Variants in STMND1 observed in about 807,000 individuals in gnomAD.
STMND1 encodes stathmin domain-containing protein 1.
Under a neutral mutation model 23.0 loss-of-function variants are expected in STMND1, and 17 were observed. That is an observed-to-expected ratio of 0.74 (90% confidence interval 0.51 to 1.11). STMND1 has a LOEUF of 1.11. Ranked by LOEUF, STMND1 falls within the 50% of genes least tolerant of loss-of-function variation. The pLI is 0.00. For missense variants in STMND1, 305 were observed against 329.1 expected, an observed-to-expected ratio of 0.93 and a Z score of 0.57; for synonymous variants, 114 against 119.9, an observed-to-expected ratio of 0.95 and a Z score of 0.32.
Position 17,129,753 on chromosome 6 carries a change from A to C in STMND1, c.543+510A>C, listed in dbSNP as rs190116766. 2.5e-3 allele frequency among the ~76,000 whole-genome samples: 373 copies of C among 152,082 alleles called. 1 individual carries two copies. Among genetic ancestry groups the C allele is most frequent in the African/African-American group, 8.8e-3 (364 of 41,526 alleles). On this transcript the variant is annotated intron_variant, in intron 4 of 4. Coordinates refer to ENST00000536551, the MANE Select transcript of STMND1 (RefSeq NM_001190766.2). ...CAGCTACTCGGGAGGCTGAGGCAGG[A>C]GAATGGCGTGAACCCGGGAGGCAGA...
intron 2 of STMND1, 114 bp downstream of exon 2, chr6:17,115,253 A>T (rs1761143703): frequency 2.1e-6 from 2 of 972,350 alleles, no homozygotes; most frequent in Non-Finnish European, 2.9e-6. Flanking sequence ...GCCATGAAGT[A>T]CATTAAATGG....
chr6:17,120,827 C>A, intron 3 of STMND1, 69 bp downstream of exon 3: 2 of 1,252,786 alleles, frequency 1.6e-6, no homozygotes, highest in South Asian at 1.6e-5. Flanking sequence ...GATCATGAGT[C>A]ATTATTTCCA....
At position 17,115,028 on chromosome 6, in the gene STMND1, A is replaced by G. The variant is rs1286586986; in HGVS notation, c.148A>G (p.Asn50Asp). 1.3e-6 allele frequency: 2 copies of G among 1,535,640 alleles called. No homozygotes were observed. The highest frequency in any genetic ancestry group is 2.7e-5 in the African/African-American group (2 of 73,016). Residue 50 changes from asparagine (N) to aspartate (D), a missense_variant, in exon 2 of 5, where the codon AAT becomes GAT. Physicochemically the swap from Asn to Asp is conservative, Grantham distance 23. Coordinates refer to ENST00000536551, the MANE Select transcript of STMND1 (RefSeq NM_001190766.2). The stretch of plus-strand genomic sequence containing the variant: ...CCGGATGGAAGCTGCTCTGACCAAG[A>G]ATACTGTGGACATTGCAGAAGGCCT... ...SPRMEAALTK[N>D]TVDIAEGLEQ... is the part of the protein sequence containing the mutation.
chr6:17,114,562 G>A (rs1398058225), intron 1 of STMND1, among the ~76,000 whole-genome samples: 6 of 152,164 alleles, frequency 3.9e-5, no homozygotes, highest in African/African-American at 9.7e-5. Flanking sequence ...CACTGCGCCC[G>A]GCCACATTAG....
rs1029156090 is a variant in STMND1 at position 17,114,884 on chromosome 6, T to G, written c.82-78T>G. 5 of 1,393,104 alleles carry G rather than the reference T, an allele frequency of 3.6e-6. No homozygotes were observed. In the African/African-American group the frequency reaches 7.3e-5, roughly 20 times the overall value. The allele number at this position is 1,393,104 out of a possible 1,614,324, so 86.3% of individuals were successfully genotyped here. A position where few individuals can be genotyped will look rare whatever the true frequency, so the allele number is the denominator to read the frequency against. On this transcript the variant is annotated intron_variant, in intron 1 of 4. Transcript: ENST00000536551. ...ACCACAGATACTAGCTGGCTAAATA[T>G]TCACAAAGCAGACCCTGCAACATTG...
chr6:17,128,887 T>C, intron 3 of STMND1: 1 of 355,136 alleles, frequency 2.8e-6, no homozygotes, highest in South Asian at 2.9e-5. Context: ...TAATTTTTTG[T>C]ATTTTTGTAG....
At chr6:17,125,595 T>C (rs977315093) in intron 3 of STMND1, among the ~76,000 whole-genome samples, 2 of 152,196 alleles carry the variant, frequency 1.3e-5, no homozygotes, top group Non-Finnish European at 2.9e-5. Flanking sequence ...CCATTATTTG[T>C]TGAACCTCCT....
chr6:17,131,000 A>G lies in STMND1; in HGVS notation c.*119A>G. On this transcript the variant is annotated 3_prime_UTR_variant, in exon 5 of 5. Transcript: ENST00000536551. ...CCACTGGGATTTCTGCCTTGGGCTTAAGGATGATTGTGTGGGCTGCACAGG... is the reference window on the plus strand; with the variant it reads ...CCACTGGGATTTCTGCCTTGGGCTTGAGGATGATTGTGTGGGCTGCACAGG... The G allele has an allele frequency of 1.0e-6, 1 of 997,602 alleles. No homozygotes were observed. Among genetic ancestry groups the G allele is most frequent in the South Asian group, 1.8e-5 (1 of 55,670 alleles). 61.8% of individuals were successfully genotyped at this position (997,602 alleles called of 1,614,324 possible). A position where few individuals can be genotyped will look rare whatever the true frequency, so the allele number is the denominator to read the frequency against.
rs1189845838 is a variant in STMND1, at chr6:17,126,070, A to ATTT, written c.412-3016_412-3014dup. 1.9e-3 allele frequency among the ~76,000 whole-genome samples: 38 copies of ATTT among 20,532 alleles called. 2 individuals carry two copies. The highest frequency in any genetic ancestry group is 5.3e-3 in the East Asian group (2 of 374). The allele number at this position is 20,532 out of a possible 152,430, so 13.5% of individuals were successfully genotyped here. A position where few individuals can be genotyped will look rare whatever the true frequency, so the allele number is the denominator to read the frequency against. The stretch of plus-strand genomic sequence containing the variant: ...TATATATATATATATATATATATAT[A>ATTT]TTTTTTTTTTTTTTTTTTTTTTTTT... On this transcript the variant is annotated intron_variant, in intron 3 of 4. Coordinates refer to ENST00000536551, the MANE Select transcript of STMND1 (RefSeq NM_001190766.2).
chr6:17,109,868 G>A (rs1223943128), intron 1 of STMND1, among the ~76,000 whole-genome samples: 1 of 152,150 alleles, frequency 6.6e-6, no homozygotes, highest in African/African-American at 2.4e-5. Flanking sequence ...AAACCCTCCT[G>A]ATGATTTTCA....
intron 3 of STMND1, among the ~76,000 whole-genome samples, chr6:17,122,159 C>T (rs1298350809): frequency 1.3e-5 from 2 of 152,048 alleles, no homozygotes; most frequent in Non-Finnish European, 2.9e-5. Flanking sequence ...CTGCATCTGA[C>T]CGAGTTCTAA....
intron 3 of STMND1, among the ~76,000 whole-genome samples, chr6:17,121,979 C>T (rs889256571): frequency 5.9e-5 from 9 of 151,968 alleles, no homozygotes; most frequent in African/African-American, 1.9e-4. Context: ...TCTCCTGCCT[C>T]AGCCTCCTAG....
rs1761290979 is a variant in STMND1 at position 17,126,037 on chromosome 6, TATATATATATA to T, written c.412-3074_412-3064del. Reference sequence around the variant, plus strand: ...TAAGCATAAGGTGATCATTGTTTTATATATATATATATATATATATATATATATATATATTT... The same window carrying T: ...TAAGCATAAGGTGATCATTGTTTTATTATATATATATATATATATATATTT... On this transcript the variant is annotated intron_variant, in intron 3 of 4. Coordinates refer to ENST00000536551, the MANE Select transcript of STMND1 (RefSeq NM_001190766.2). 2.7e-4 allele frequency among the ~76,000 whole-genome samples: 7 copies of T among 25,914 alleles called. No individual in the cohort carries two copies. The South Asian group carries it at 0.015, about 56-fold the overall frequency. The allele number at this position is 25,914 out of a possible 152,430, so 17.0% of individuals were successfully genotyped here. A position where few individuals can be genotyped will look rare whatever the true frequency, so the allele number is the denominator to read the frequency against.
At chr6:17,129,680 T>C (rs540905506) in intron 4 of STMND1, among the ~76,000 whole-genome samples, 2 of 152,006 alleles carry the variant, frequency 1.3e-5, no homozygotes, top group Admixed American at 6.5e-5. Context: ...CCGTCTCTAC[T>C]AAAAATACAA....
At position 17,105,579 on chromosome 6, in the gene STMND1, A is replaced by G. The variant is rs193009019; in HGVS notation, c.81+3241A>G. Among the ~76,000 whole-genome samples the G allele has an allele frequency of 5.7e-3, 874 of 152,010 alleles. 11 individuals are homozygous for G. The highest frequency in any genetic ancestry group is 0.02 in the African/African-American group (833 of 41,434). Reference sequence around the variant, plus strand: ...AGAATAGCTTGAACCTGGGAGGCGGAGATTGCGGGGTGAGCTGAGATCATG... The same window carrying G: ...AGAATAGCTTGAACCTGGGAGGCGGGGATTGCGGGGTGAGCTGAGATCATG... On this transcript the variant is annotated intron_variant, in intron 1 of 4. Transcript: ENST00000536551.
At chr6:17,115,892 T>G (rs1026883917) in intron 2 of STMND1, among the ~76,000 whole-genome samples, 1 of 152,238 alleles carries the variant, frequency 6.6e-6, no homozygotes, top group Non-Finnish European at 1.5e-5. Flanking sequence ...TCTTGAACTT[T>G]CCTGGCACAC....
intron 3 of STMND1, among the ~76,000 whole-genome samples, chr6:17,126,051 TATATATATATATA>T (rs1761292227): frequency 3.1e-5 from 1 of 32,594 alleles, no homozygotes; most frequent in African/African-American, 1.5e-4. Context: ...TATATATATA[TATATATATATATA>T]TATATATTTT....
intron 1 of STMND1, among the ~76,000 whole-genome samples, chr6:17,109,049 T>C (rs777783630): frequency 2.0e-5 from 3 of 152,200 alleles, no homozygotes; most frequent in Non-Finnish European, 2.9e-5. Context: ...ATATGTTGTA[T>C]GTAAAGACTC....
intron 3 of STMND1, among the ~76,000 whole-genome samples, chr6:17,125,243 C>T (rs963732663): frequency 6.6e-6 from 1 of 151,680 alleles, no homozygotes; most frequent in Non-Finnish European, 1.5e-5. Context: ...GGGAATCTTT[C>T]AGTGTATTTT....
Sources: allele counts gnomAD v4.1 joint callset (sites outside exome capture counted in the v4.1 genomes callset), GRCh38; gene constraint gnomAD v4.1.1; transcripts MANE v1.5; gene names NCBI Gene and HGNC (gene_info 2026-07-23, HGNC 2026-07-21).